LCMT1: variants seen among roughly 807,000 people sequenced by gnomAD.
The protein encoded by LCMT1 is [Phosphatase 2A protein]-leucine-carboxy methyltransferase 1.
Under a neutral mutation model 47.7 loss-of-function variants are expected in LCMT1, and 32 were observed. The ratio of observed to expected loss-of-function variants is 0.67; its 90% CI spans 0.51 to 0.90. The LOEUF is 0.90. Ranked by LOEUF, LCMT1 falls within the 40% of genes least tolerant of loss-of-function variation. LCMT1 has a pLI of 0.00. For synonymous variants in LCMT1, 152 were observed against 149.7 expected (o/e 1.02, Z -0.11); for missense variants, 375 against 415.2 (o/e 0.90, Z 0.84).
intron 10 of LCMT1, among the ~76,000 whole-genome samples, chr16:25,175,693 A>G (rs1234805907): frequency 6.6e-6 from 1 of 152,176 alleles, no homozygotes; most frequent in East Asian, 1.9e-4. Flanking sequence ...AGCTTCCCAA[A>G]GTGCTGGGAT....
chr16:25,176,913 C>T (rs1027744627), intron 10 of LCMT1, among the ~76,000 whole-genome samples: 2 of 151,466 alleles, frequency 1.3e-5, no homozygotes, highest in African/African-American at 4.8e-5. Context: ...AGCGCAGTGG[C>T]TCATGCCTGT....
intron 8 of LCMT1, among the ~76,000 whole-genome samples, chr16:25,169,757 C>CT (rs71156487): frequency 0.23 from 34,756 of 151,718 alleles, 4,080 homozygotes; most frequent in East Asian, 0.34. Flanking sequence ...TTTAAAAAAC[C>CT]TTTTTTTTAT....
rs1382712901 is a variant in LCMT1, at chr16:25,174,973, G to GC, written c.922dup (p.Leu308ProfsTer19). The GC allele has an allele frequency of 1.2e-6, 2 of 1,609,698 alleles. No homozygotes were observed. The highest frequency in any genetic ancestry group is 2.7e-5 in the African/African-American group (2 of 74,868). On this transcript the variant is annotated frameshift_variant, in exon 10 of 11. Transcript: ENST00000399069. LOFTEE classifies it high-confidence loss of function. ...TTGAATTCCTGGATGAAATGGAGCT[G>GC]CTGGAGCAGCTCATGCGGCATTACT...
At chr16:25,166,977 C>G (rs573351192) in intron 7 of LCMT1, among the ~76,000 whole-genome samples, 26 of 152,182 alleles carry the variant, frequency 1.7e-4, no homozygotes, top group Non-Finnish European at 3.1e-4. Flanking sequence ...TGTCCATACT[C>G]CACATGTTTT....
At position 25,178,087 on chromosome 16, in the gene LCMT1, A is replaced by G; in HGVS notation, c.*64A>G. ...CTTGCCCTCCTGGAGGAGACCTGCA[A>G]GCTCCCTGAGCGGTGGGCGGGCCTC... On this transcript the variant is annotated 3_prime_UTR_variant, in exon 11 of 11. Coordinates refer to ENST00000399069, the MANE Select transcript of LCMT1 (RefSeq NM_016309.3). The G allele has an allele frequency of 6.5e-7, 1 of 1,541,766 alleles. No homozygotes were observed. Among genetic ancestry groups the G allele is most frequent in the Non-Finnish European group, 8.9e-7 (1 of 1,118,258 alleles).
At chr16:25,136,369 A>C (rs975497644) in intron 3 of LCMT1, among the ~76,000 whole-genome samples, 9 of 151,852 alleles carry the variant, frequency 5.9e-5, no homozygotes, top group Non-Finnish European at 1.0e-4. Context: ...CATGCAGGCT[A>C]TTTGGAGTGA....
chr16:25,169,813 A>G (rs1219691789), intron 8 of LCMT1, among the ~76,000 whole-genome samples: 1 of 152,166 alleles, frequency 6.6e-6, no homozygotes, highest in African/African-American at 2.4e-5. Context: ...CACACTTTGC[A>G]GATGATTGAT....
At chr16:25,160,076 G>A (rs1021777795) in intron 5 of LCMT1, among the ~76,000 whole-genome samples, 1 of 152,066 alleles carries the variant, frequency 6.6e-6, no homozygotes, top group Middle Eastern at 3.4e-3. Flanking sequence ...AGCCTCGAGA[G>A]TAGCTGGGAT....
At chr16:25,128,017 T>C (rs965682083) in intron 1 of LCMT1, among the ~76,000 whole-genome samples, 4 of 152,226 alleles carry the variant, frequency 2.6e-5, no homozygotes, top group African/African-American at 9.6e-5. Flanking sequence ...TGGCACCTAA[T>C]ACAGAGTCAG....
chr16:25,143,667 T>C (rs932274983), intron 4 of LCMT1: 3 of 152,244 alleles, frequency 2.0e-5, no homozygotes, highest in Admixed American at 1.3e-4. Flanking sequence ...TTCCCCTGTG[T>C]TGAACCAGTT....
rs759083593 is a variant in LCMT1 at position 25,132,416 on chromosome 16, G to A, written c.220G>A (p.Val74Ile). 2 of 1,613,742 alleles carry A rather than the reference G, an allele frequency of 1.2e-6. No homozygotes were observed. The highest frequency in any genetic ancestry group is 2.7e-5 in the African/African-American group (2 of 74,974). Residue 74 changes from valine (V) to isoleucine (I), a missense_variant, in exon 3 of 11, where the codon GTC (valine) becomes ATC (isoleucine). Coordinates refer to ENST00000399069, the MANE Select transcript of LCMT1 (RefSeq NM_016309.3). ...CTCCCCCCTAGGATATTTTGCTCGA[G>A]TCCATGGTGTCAGTCAGCTTATAAA... ...PEINRGYFAR[V>I]HGVSQLIKAF...
chr16:25,153,760 C>CCCG (rs1443396261), intron 5 of LCMT1, among the ~76,000 whole-genome samples: 1 of 152,064 alleles, frequency 6.6e-6, no homozygotes, highest in Non-Finnish European at 1.5e-5. Flanking sequence ...CGAGACCAGC[C>CCCG]TGGCCAACAT....
chr16:25,161,357 T>A (rs1285669581), intron 6 of LCMT1, among the ~76,000 whole-genome samples, 153 bp downstream of exon 6: 1 of 151,726 alleles, frequency 6.6e-6, no homozygotes, highest in Non-Finnish European at 1.5e-5. Flanking sequence ...CTGAAAAAAA[T>A]TCTTTTTTTT....
intron 10 of LCMT1, among the ~76,000 whole-genome samples, chr16:25,176,946 A>G (rs544043591): frequency 1.5e-4 from 22 of 151,394 alleles, no homozygotes; most frequent in South Asian, 8.4e-4. Context: ...TTGGGAGGCT[A>G]AGGCAGGCAG....
intron 3 of LCMT1, among the ~76,000 whole-genome samples, chr16:25,139,737 G>A (rs1448582933): frequency 6.6e-6 from 1 of 151,854 alleles, no homozygotes; most frequent in Non-Finnish European, 1.5e-5. Context: ...TCGCTGTGTT[G>A]CCCAGGATGG....
At chr16:25,157,253 A>G (rs185402020) in intron 5 of LCMT1, among the ~76,000 whole-genome samples, 60 of 152,084 alleles carry the variant, frequency 3.9e-4, no homozygotes, top group African/African-American at 1.4e-3. Context: ...CACCTCTTAA[A>G]AGTGTTTAAG....
chr16:25,167,462 G>T (rs1027671334), intron 7 of LCMT1, among the ~76,000 whole-genome samples: 20 of 151,776 alleles, frequency 1.3e-4, no homozygotes, highest in African/African-American at 4.4e-4. Context: ...GACTGTAGGT[G>T]CACACCACCA....
At chr16:25,155,402 C>T (rs1407660501) in intron 5 of LCMT1, among the ~76,000 whole-genome samples, 12 of 151,950 alleles carry the variant, frequency 7.9e-5, no homozygotes, top group Admixed American at 7.9e-4. Flanking sequence ...AAAAAACTAG[C>T]TGGGCATGGT....
intron 3 of LCMT1, among the ~76,000 whole-genome samples, chr16:25,137,942 C>T (rs1036668179): frequency 8.0e-6 from 1 of 124,978 alleles, no homozygotes; most frequent in Admixed American, 7.4e-5. Context: ...GCCGCACTCA[C>T]CCCCCCGGGA....
Sources: gnomAD v4.1 joint callset for allele counts (sites outside exome capture counted in the v4.1 genomes callset) on GRCh38, gnomAD v4.1.1 for gene constraint, MANE v1.5 for transcripts, NCBI Gene and HGNC (gene_info 2026-07-23, HGNC 2026-07-21) for gene names.